APOBEC1: variants seen among roughly 807,000 people sequenced by gnomAD.
APOBEC1 encodes the protein C->U-editing enzyme APOBEC-1.
APOBEC1 carries 22 observed loss-of-function variants against 26.3 expected under a neutral mutation model. The observed-to-expected ratio is 0.84, with a 90% CI of 0.60 to 1.19. The LOEUF (loss-of-function observed/expected upper bound fraction) is 1.19, where lower values mean the gene tolerates loss of function less well. Among genes scored for constraint, APOBEC1 ranks in the 50% most tolerant of loss-of-function variants. APOBEC1 has a pLI of 0.00. For synonymous variants in APOBEC1, 77 were observed against 95.3 expected, an observed-to-expected ratio of 0.81 and a Z score of 1.12; for missense variants, 253 against 289.0, an observed-to-expected ratio of 0.88 and a Z score of 0.90.
At chr12:7,652,121 C>T (rs926828477) in intron 3 of APOBEC1, among the ~76,000 whole-genome samples, 2 of 152,202 alleles carry the variant, frequency 1.3e-5, no homozygotes, top group East Asian at 1.9e-4. Context: ...CGCACCTGGC[C>T]GGATTTTTAA....
chr12:7,666,506 G>C (rs1456093354), upstream of APOBEC1, among the ~76,000 whole-genome samples: 1 of 152,044 alleles, frequency 6.6e-6, no homozygotes, highest in Admixed American at 6.6e-5. Context: ...TGTTGGTCAG[G>C]CTGTTTTTGA....
At chr12:7,666,913 CTTT>C (rs111464102), upstream of APOBEC1, among the ~76,000 whole-genome samples, 34 of 142,444 alleles carry the variant, frequency 2.4e-4, no homozygotes, top group African/African-American at 4.4e-4. Context: ...CACTTCTGCC[CTTT>C]TTTTTTTTTT....
At position 7,649,608 on chromosome 12, in the gene APOBEC1, G is replaced by T; in HGVS notation, c.650C>A (p.Thr217Lys). Residue 217 changes from threonine to lysine, a missense_variant, in exon 5 of 5, where the codon ACG (threonine) becomes AAG (lysine). Coordinates refer to ENST00000229304, the MANE Select transcript of APOBEC1 (RefSeq NM_001644.5). ...AGCTAAAAGGATGTGTGGCGGAATC[G>T]TTTGGTAATGGCAGTTTTGAAGATG... ...RLHLQNCHYQTIPPHILLATG... is the reference protein window; with the variant it reads ...RLHLQNCHYQKIPPHILLATG... The T allele has an allele frequency of 6.2e-7, 1 of 1,614,086 alleles. No homozygotes were observed. The highest frequency in any genetic ancestry group is 1.1e-5 in the South Asian group (1 of 91,080).
chr12:7,660,412 G>GAAAAAAGAAAGAAAGAAAGAAAGAAAGAA (rs201225005), intron 1 of APOBEC1, among the ~76,000 whole-genome samples: 2 of 122,004 alleles, frequency 1.6e-5, no homozygotes, highest in African/African-American at 5.7e-5. Context: ...AAGAAAGAAA[G>GAAAAAAGAAAGAAAGAAAGAAAGAAAGAA]AGAGGGTATT....
At chr12:7,668,190 G>A (rs747152565), upstream of APOBEC1, among the ~76,000 whole-genome samples, 2 of 152,126 alleles carry the variant, frequency 1.3e-5, no homozygotes, top group East Asian at 1.9e-4. Context: ...AGGGAGCCAC[G>A]ATTCAAGGAA....
intron 2 of APOBEC1, 72 bp downstream of exon 2, chr12:7,654,533 C>T: frequency 1.4e-6 from 2 of 1,457,162 alleles, no homozygotes. Flanking sequence ...GCATGTGCCA[C>T]CATGCACAGC....
intron 1 of APOBEC1, among the ~76,000 whole-genome samples, chr12:7,664,683 G>C (rs1007893336): frequency 7.9e-5 from 12 of 152,152 alleles, no homozygotes; most frequent in Non-Finnish European, 1.5e-4. Context: ...GGGAGGCCGA[G>C]GCTAGTGGAT....
chr12:7,649,604 A>T lies in APOBEC1; in HGVS notation c.654T>A (p.Ile218=). ...CTGTAGCTAAAAGGATGTGTGGCGGAATCGTTTGGTAATGGCAGTTTTGAA... is the reference window on the plus strand; with the variant it reads ...CTGTAGCTAAAAGGATGTGTGGCGGTATCGTTTGGTAATGGCAGTTTTGAA... The part of the protein sequence containing the change: ...LHLQNCHYQT[I]PPHILLATGL... The change falls in exon 5 of 5, where the codon ATT becomes ATA. Residue 218 remains isoleucine, a synonymous_variant. Coordinates refer to ENST00000229304, the MANE Select transcript of APOBEC1 (RefSeq NM_001644.5). 1.2e-6 allele frequency: 2 copies of T among 1,614,176 alleles called. No individual in the cohort carries two copies. The highest frequency in any genetic ancestry group is 8.5e-7 in the Non-Finnish European group (1 of 1,180,020).
At chr12:7,670,063 A>AGGCTCCGCCTCCTGGGGTTC, upstream of APOBEC1, among the ~76,000 whole-genome samples, 1 of 143,312 alleles carries the variant, frequency 7.0e-6, no homozygotes, top group African/African-American at 2.6e-5. Flanking sequence ...GGCTCACTGC[A>AGGCTCCGCCTCCTGGGGTTC]ACCTCCTCCT....
intron 1 of APOBEC1, among the ~76,000 whole-genome samples, chr12:7,657,043 CGTGTGTGTGT>C (rs6144603): frequency 0.039 from 5,748 of 148,696 alleles, 175 homozygotes; most frequent in African/African-American, 0.078. Flanking sequence ...GTTGTATATA[CGTGTGTGTGT>C]GTGTGTGTGT....
chr12:7,666,641 TAA>T (rs1353348705), upstream of APOBEC1, among the ~76,000 whole-genome samples: 1 of 152,174 alleles, frequency 6.6e-6, no homozygotes, highest in Non-Finnish European at 1.5e-5. Flanking sequence ...AAAATAAAGT[TAA>T]GAGAGACTTA....
Position 7,660,375 on chromosome 12 carries a change from G to GGAAGGACA in APOBEC1, c.16+5481_16+5482insTGTCCTTC, listed in dbSNP as rs61183510. Among the ~76,000 whole-genome samples the GGAAGGACA allele has an allele frequency of 1.0e-3, 24 of 23,956 alleles. 2 individuals carry two copies. The highest frequency in any genetic ancestry group is 2.3e-3 in the African/African-American group (18 of 7,934). The allele number at this position is 23,956 out of a possible 152,430, so 15.7% of individuals were successfully genotyped here. ...AGGAAGGAAGGAAGGAAGGAAGGAA[G>GGAAGGACA]GAAAGAAAGAAAGAAAGAAAGAAAG... On this transcript the variant is annotated intron_variant, in intron 1 of 4. Transcript: ENST00000229304.
chr12:7,670,165 G>A (rs764060268), upstream of APOBEC1, among the ~76,000 whole-genome samples: 3 of 138,088 alleles, frequency 2.2e-5, no homozygotes, highest in African/African-American at 8.3e-5. Context: ...TGCATTTTTA[G>A]TAGAGATGGG....
At position 7,649,442 on chromosome 12, in the gene APOBEC1, G is replaced by T; in HGVS notation, c.*105C>A. The T allele has an allele frequency of 7.9e-7, 1 of 1,268,952 alleles. No individual in the cohort carries two copies. 78.6% of individuals were successfully genotyped at this position (1,268,952 alleles called of 1,614,324 possible). On this transcript the variant is annotated 3_prime_UTR_variant, in exon 5 of 5. Coordinates refer to ENST00000229304, the MANE Select transcript of APOBEC1 (RefSeq NM_001644.5). ...ATTTATTGTTGGTTTAAGCTACAGA[G>T]TTTTGGGGTACCTTGTGAACATTTC...
intron 1 of APOBEC1, 63 bp downstream of exon 1, chr12:7,665,794 C>T: frequency 7.7e-7 from 1 of 1,302,812 alleles, no homozygotes; most frequent in Non-Finnish European, 1.1e-6. Context: ...CACACACACA[C>T]ACACACACAC....
chr12:7,650,582 G>A (rs1246597819), intron 4 of APOBEC1, among the ~76,000 whole-genome samples: 1 of 152,128 alleles, frequency 6.6e-6, no homozygotes, highest in Non-Finnish European at 1.5e-5. Context: ...TTGCTTGTTT[G>A]TTTACTTTGT....
chr12:7,659,364 A>G (rs1863771503), intron 1 of APOBEC1, among the ~76,000 whole-genome samples: 1 of 104,594 alleles, frequency 9.6e-6, no homozygotes, highest in Non-Finnish European at 2.2e-5. Context: ...TATATTTGAA[A>G]TTTAAAAATC....
At chr12:7,658,073 T>C (rs755846336) in intron 1 of APOBEC1, among the ~76,000 whole-genome samples, 4 of 151,242 alleles carry the variant, frequency 2.6e-5, no homozygotes, top group Admixed American at 2.0e-4. Context: ...TTTTGTTTTG[T>C]TTTGTTTTGA....
chr12:7,655,356 C>CAA (rs146934350), intron 1 of APOBEC1, among the ~76,000 whole-genome samples: 3 of 149,152 alleles, frequency 2.0e-5, no homozygotes, highest in South Asian at 2.1e-4. Flanking sequence ...ACTAAAAATA[C>CAA]AAAAAAAAAT....
Sources: allele counts gnomAD v4.1 joint callset (sites outside exome capture counted in the v4.1 genomes callset), GRCh38; gene constraint gnomAD v4.1.1; transcripts MANE v1.5; gene names NCBI Gene and HGNC (gene_info 2026-07-23, HGNC 2026-07-21).